ADAP1: variants seen among roughly 807,000 people sequenced by gnomAD.
ADAP1 encodes ArfGAP with dual PH domains 1.
Under a neutral mutation model 54.9 loss-of-function variants are expected in ADAP1, and 31 were observed. The observed-to-expected ratio is 0.56, with a 90% CI of 0.42 to 0.76. The LOEUF (loss-of-function observed/expected upper bound fraction) is 0.76, where lower values mean the gene tolerates loss of function less well. Among genes scored for constraint, ADAP1 ranks in the 30% least tolerant of loss-of-function variants. The pLI is 0.00. For missense variants in ADAP1, 535 were observed against 512.4 expected, an observed-to-expected ratio of 1.04 and a Z score of -0.42; for synonymous variants, 313 against 202.6, an observed-to-expected ratio of 1.55 and a Z score of -4.63.
chr7:905,323 G>T, intron 4 of ADAP1, 151 bp from the exon 5 acceptor site: 1 of 532,006 alleles, frequency 1.9e-6, no homozygotes, highest in East Asian at 3.4e-5. Flanking sequence ...GGGGAGAGGG[G>T]ACATGGAGGA....
intron 1 of ADAP1, among the ~76,000 whole-genome samples, chr7:942,597 GGAGA>G (rs1846982136): frequency 2.0e-5 from 1 of 49,984 alleles, no homozygotes; most frequent in Admixed American, 2.0e-4. Context: ...GAGGAGGAAG[GGAGA>G]GAGGAGGAGG....
Position 898,430 on chromosome 7 carries a change from GC to G in ADAP1, c.*490del, listed in dbSNP as rs1844609814. 4.7e-6 allele frequency: 1 copy of G among 211,280 alleles called. No homozygotes were observed. Among genetic ancestry groups the G allele is most frequent in the Non-Finnish European group, 9.7e-6 (1 of 103,134 alleles). 13.1% of individuals were successfully genotyped at this position (211,280 alleles called of 1,614,324 possible). On this transcript the variant is annotated 3_prime_UTR_variant, in exon 11 of 11. Transcript: ENST00000265846. ...ACCCAAACACCCCACGGCCCTCATAGCCCCGTGACACACAACAGGCGCTCAA... is the reference window on the plus strand; with the variant it reads ...ACCCAAACACCCCACGGCCCTCATAGCCCGTGACACACAACAGGCGCTCAA...
intron 1 of ADAP1, among the ~76,000 whole-genome samples, chr7:948,268 C>T (rs1022210583): frequency 1.3e-5 from 2 of 151,962 alleles, no homozygotes; most frequent in African/African-American, 2.4e-5. Flanking sequence ...CAGTGCAATG[C>T]CCTCTGCCCC....
At chr7:921,037 TCC>T in intron 3 of ADAP1, 1 of 592,984 alleles carries the variant, frequency 1.7e-6, no homozygotes, top group Non-Finnish European at 3.0e-6. Flanking sequence ...TGTGTGTGTG[TCC>T]CCCACCTGCT....
chr7:905,027 C>G (rs1334329498), intron 5 of ADAP1, 33 bp downstream of exon 5: 2 of 1,591,034 alleles, frequency 1.3e-6, no homozygotes, highest in African/African-American at 1.3e-5. Flanking sequence ...CGCCCTGGGA[C>G]AGGCCCCCAC....
chr7:901,097 G>C, intron 6 of ADAP1: 1 of 462,892 alleles, frequency 2.2e-6, no homozygotes. Context: ...GGCCCCTACC[G>C]AGAGTGGGCA....
At position 935,232 on chromosome 7, in the gene ADAP1, C is replaced by G. The variant is rs189945467; in HGVS notation, c.213+143G>C. 0.011 allele frequency: 13,905 copies of G among 1,211,432 alleles called. 500 individuals carry two copies. In the Admixed American group the frequency reaches 0.12, roughly 10 times the overall value. The allele number at this position is 1,211,432 out of a possible 1,614,324, so 75.0% of individuals were successfully genotyped here. A position where few individuals can be genotyped will look rare whatever the true frequency, so the allele number is the denominator to read the frequency against. On this transcript the variant is annotated intron_variant, in intron 2 of 10. Coordinates refer to ENST00000265846, the MANE Select transcript of ADAP1 (RefSeq NM_006869.4). The stretch of plus-strand genomic sequence containing the variant: ...GGAGCCGCTGGAGAGGGGGCGGGGT[C>G]CTCGGGTCCAGCCAGCCAGGCCCCC...
chr7:924,566 C>T (rs998120238), intron 3 of ADAP1, among the ~76,000 whole-genome samples: 1 of 147,734 alleles, frequency 6.8e-6, no homozygotes, highest in African/African-American at 2.5e-5. Flanking sequence ...CCACGCTGCA[C>T]CCCCCGCCCT....
chr7:916,640 C>A (rs1027922854), intron 4 of ADAP1, among the ~76,000 whole-genome samples: 2 of 152,158 alleles, frequency 1.3e-5, no homozygotes, highest in Non-Finnish European at 2.9e-5. Context: ...ATCCCCTGAC[C>A]GTTTCTTGCT....
At position 920,412 on chromosome 7, in the gene ADAP1, C is replaced by T. The variant is rs1304617220; in HGVS notation, c.306-362G>A. Among the ~76,000 whole-genome samples the T allele has an allele frequency of 1.3e-5, 2 of 151,812 alleles. No homozygotes were observed. The highest frequency in any genetic ancestry group is 2.9e-5 in the Non-Finnish European group (2 of 67,878). ...GGGGTTGAGCCAGGCCCCCCCACCC[C>T]GAGTCACACGCCCCTGGGCCCTCCC... On this transcript the variant is annotated intron_variant, in intron 3 of 10. Transcript: ENST00000265846. The surrounding 1 kb of genome is among the most constrained non-coding windows in gnomAD (Gnocchi z 4.5).
chr7:898,938 A>T lies in ADAP1; in HGVS notation c.1108T>A (p.Phe370Ile). The change falls in exon 11 of 11, where the codon TTC becomes ATC. Residue 370 changes from phenylalanine (F) to isoleucine (I), a missense_variant. By Grantham distance (21) the Phe-to-Ile change is conservative. Transcript: ENST00000265846. ...LPQEYAVEAH[F>I]KHKP Reference sequence around the variant, plus strand: ...CGCACTCGCTAAGGTTTATGCTTGAAGTGCGCCTCCACTGCAACGGAACAG... The same window carrying T: ...CGCACTCGCTAAGGTTTATGCTTGATGTGCGCCTCCACTGCAACGGAACAG... The T allele has an allele frequency of 6.2e-7, 1 of 1,609,944 alleles. No homozygotes were observed. Among genetic ancestry groups the T allele is most frequent in the Non-Finnish European group, 8.5e-7 (1 of 1,178,592 alleles).
At chr7:931,088 A>C (rs1235706433) in intron 2 of ADAP1, among the ~76,000 whole-genome samples, 1 of 150,640 alleles carries the variant, frequency 6.6e-6, no homozygotes, top group Non-Finnish European at 1.5e-5. Context: ...GGAAGGACGG[A>C]AGGAAGGACG....
intron 1 of ADAP1, among the ~76,000 whole-genome samples, chr7:943,432 AAG>A (rs776427817): frequency 1.7e-4 from 1 of 6,010 alleles, no homozygotes; most frequent in African/African-American, 1.8e-3. Flanking sequence ...GAGGAGGAGG[AAG>A]AGAGGAGGAG....
intron 4 of ADAP1, among the ~76,000 whole-genome samples, chr7:914,987 T>C (rs536303876): frequency 8.8e-6 from 1 of 114,034 alleles, no homozygotes; most frequent in Non-Finnish European, 1.8e-5. Flanking sequence ...TCTGGGTCCC[T>C]GGGATCCCAG....
At chr7:913,886 G>C (rs1845826481) in intron 4 of ADAP1, among the ~76,000 whole-genome samples, 2 of 152,220 alleles carry the variant, frequency 1.3e-5, no homozygotes, top group South Asian at 4.1e-4. Flanking sequence ...GGTGAGCTGA[G>C]ACCGCACCAT....
chr7:925,145 G>A (rs796544151), intron 3 of ADAP1, among the ~76,000 whole-genome samples: 13 of 152,180 alleles, frequency 8.5e-5, no homozygotes, highest in African/African-American at 2.6e-4. Context: ...GCACCTGGAC[G>A]GGGGCCTCGT....
chr7:935,210 G>A lies in ADAP1; in HGVS notation c.213+165C>T, dbSNP rs754234329. On this transcript the variant is annotated intron_variant, in intron 2 of 10. Coordinates refer to ENST00000265846, the MANE Select transcript of ADAP1 (RefSeq NM_006869.4). ...TGGGTGGAGCAGCCACACAGGCGGA[G>A]CCGCTGGAGAGGGGGCGGGGTCCTC... 10 of 972,532 alleles carry A rather than the reference G, an allele frequency of 1.0e-5. No homozygotes were observed. The East Asian group carries it at 2.1e-4, about 21-fold the overall frequency. The allele number at this position is 972,532 out of a possible 1,614,324, so 60.2% of individuals were successfully genotyped here.
In ADAP1 at chr7:905,475, GGGAAA is replaced by G. The variant is rs1562912005; in HGVS notation, c.389-308_389-304del. Reference sequence around the variant, plus strand: ...AGAAAGGGAAAGGAGAAAGGAGAAAGGGAAAGGAGAAAGGAGAAGGGAGAAGGGAG... The same window carrying G: ...AGAAAGGGAAAGGAGAAAGGAGAAAGGGAGAAAGGAGAAGGGAGAAGGGAG... On this transcript the variant is annotated intron_variant, in intron 4 of 10. Transcript: ENST00000265846. 16 of 116,614 alleles carry G rather than the reference GGGAAA, an allele frequency of 1.4e-4. 1 individual carries two copies. The highest frequency in any genetic ancestry group is 3.0e-4 in the South Asian group (2 of 6,708). The allele number at this position is 116,614 out of a possible 1,614,324, so 7.2% of individuals were successfully genotyped here.
intron 5 of ADAP1, 139 bp downstream of exon 5, chr7:904,921 G>T: frequency 1.4e-6 from 1 of 736,254 alleles, no homozygotes; most frequent in African/African-American, 1.7e-5. Flanking sequence ...AACACAGGCC[G>T]GTTCTCCTGG....
Sources: gnomAD v4.1 joint callset for allele counts (sites outside exome capture counted in the v4.1 genomes callset) on GRCh38, gnomAD v4.1.1 for gene constraint, Gnocchi (gnomAD v3.1) non-coding constraint, MANE v1.5 for transcripts, NCBI Gene and HGNC (gene_info 2026-07-23, HGNC 2026-07-21) for gene names.